Variants in GRIK2 observed in about 807,000 individuals in gnomAD.
GRIK2 encodes the protein glutamate ionotropic receptor kainate type subunit 2, also known as glutamate receptor ionotropic, kainate 2.
A neutral mutation model predicts 100.3 loss-of-function variants in GRIK2; 32 were observed. The observed-to-expected ratio is 0.32, with a 90% CI of 0.24 to 0.43. The LOEUF (loss-of-function observed/expected upper bound fraction) is 0.43, where lower values mean the gene tolerates loss of function less well. Ranked by LOEUF, GRIK2 falls within the 20% of genes least tolerant of loss-of-function variation. The pLI, the probability that GRIK2 is intolerant of heterozygous loss-of-function variation, is 1.00. For synonymous variants in GRIK2, 417 were observed against 389.4 expected (o/e 1.07, Z -0.83); for missense variants, 843 against 1,114.9 (o/e 0.76, Z 3.47).
chr6:101,978,402 A>G (rs1793526345), intron 14 of GRIK2, among the ~76,000 whole-genome samples: 1 of 152,052 alleles, frequency 6.6e-6, no homozygotes, highest in African/African-American at 2.4e-5. Context: ...GACTAAATAT[A>G]GTAATATAAT....
In GRIK2 at chr6:101,694,011, C is replaced by G. The variant is rs1235636033; in HGVS notation, c.951+7658C>G. Among the ~76,000 whole-genome samples, 4 of 152,016 alleles carry G rather than the reference C, an allele frequency of 2.6e-5. No homozygotes were observed. In the East Asian group the frequency reaches 7.7e-4, roughly 29 times the overall value. On this transcript the variant is annotated intron_variant, in intron 7 of 16. Coordinates refer to ENST00000369134, the MANE Select transcript of GRIK2 (RefSeq NM_021956.5). The stretch of plus-strand genomic sequence containing the variant: ...GGAAGGAGGGCCCCTCAAGGACAGT[C>G]AATGTCAAGGACACCCAGAAGAGGT...
intron 7 of GRIK2, among the ~76,000 whole-genome samples, chr6:101,765,426 A>G (rs1040847678): frequency 6.6e-6 from 1 of 152,118 alleles, no homozygotes. Flanking sequence ...AAATGACATT[A>G]TGTATATGTT....
At chr6:101,514,654 A>G (rs1774492160) in intron 2 of GRIK2, among the ~76,000 whole-genome samples, 1 of 152,100 alleles carries the variant, frequency 6.6e-6, no homozygotes, top group African/African-American at 2.4e-5. Context: ...CAATTCTACC[A>G]TTTATGAAAG....
At chr6:102,021,104 A>C (rs982841214) in intron 14 of GRIK2, among the ~76,000 whole-genome samples, 2 of 151,846 alleles carry the variant, frequency 1.3e-5, no homozygotes, top group African/African-American at 4.8e-5. Context: ...GCTTTTTATG[A>C]AAAATTTCAC....
chr6:101,738,411 T>G (rs1290734045), intron 7 of GRIK2, among the ~76,000 whole-genome samples: 2 of 152,196 alleles, frequency 1.3e-5, no homozygotes, highest in African/African-American at 2.4e-5. Context: ...TAGTTGATAT[T>G]ACAATGTCAA....
chr6:101,558,669 C>CTT (rs371713680), intron 2 of GRIK2, among the ~76,000 whole-genome samples: 2,940 of 143,338 alleles, frequency 0.021, 73 homozygotes, highest in African/African-American at 0.046. Flanking sequence ...CCCTTTGCTT[C>CTT]TTTTTTTTTT....
At chr6:101,603,019 A>G (rs1305547884) in intron 2 of GRIK2, among the ~76,000 whole-genome samples, 3 of 151,666 alleles carry the variant, frequency 2.0e-5, no homozygotes, top group Non-Finnish European at 4.4e-5. Flanking sequence ...TGTTGACTAC[A>G]TTCGATTGTT....
At chr6:101,866,018 C>T (rs890606941) in intron 11 of GRIK2, among the ~76,000 whole-genome samples, 2 of 151,368 alleles carry the variant, frequency 1.3e-5, no homozygotes, top group Non-Finnish European at 2.9e-5. Context: ...TTGGCAAAAA[C>T]AACTAAAATC....
intron 10 of GRIK2, among the ~76,000 whole-genome samples, chr6:101,829,263 C>A (rs1165895388): frequency 1.3e-5 from 2 of 151,472 alleles, no homozygotes; most frequent in Non-Finnish European, 3.0e-5. Flanking sequence ...TAAGAACTGT[C>A]AATGCTAAAC....
chr6:101,472,491 CAT>C (rs1771998723), intron 2 of GRIK2, among the ~76,000 whole-genome samples: 1 of 151,796 alleles, frequency 6.6e-6, no homozygotes, highest in African/African-American at 2.4e-5. Context: ...ATATTCAAAA[CAT>C]ATTTACAGAA....
intron 2 of GRIK2, among the ~76,000 whole-genome samples, chr6:101,476,813 A>G (rs1772258039): frequency 6.6e-6 from 1 of 152,156 alleles, no homozygotes; most frequent in Non-Finnish European, 1.5e-5. Flanking sequence ...TGTTCAACCA[A>G]GTGATGTCAA....
At chr6:101,523,720 C>CTTT (rs1163558120) in intron 2 of GRIK2, among the ~76,000 whole-genome samples, 1 of 121,542 alleles carries the variant, frequency 8.2e-6, no homozygotes, top group East Asian at 2.4e-4. Flanking sequence ...ACTCCTAAGT[C>CTTT]TTTTTTTTTT....
intron 14 of GRIK2, among the ~76,000 whole-genome samples, chr6:101,934,452 G>C (rs991362801): frequency 2.0e-5 from 3 of 151,890 alleles, no homozygotes; most frequent in African/African-American, 7.2e-5. Flanking sequence ...GATTGTATAT[G>C]ATAGTATATG....
chr6:101,911,094 A>G lies in GRIK2; in HGVS notation c.1749-13507A>G, dbSNP rs563529703. On this transcript the variant is annotated intron_variant, in intron 12 of 16. Transcript: ENST00000369134. ...GGCTGTTTTGTCTTCTGTTGGGGAT[A>G]CAGTAAACAAGGGAGAAATGAGCTG... 2.6e-5 allele frequency among the ~76,000 whole-genome samples: 4 copies of G among 151,592 alleles called. No individual in the cohort carries two copies. The East Asian group carries it at 7.8e-4, about 29-fold the overall frequency.
chr6:101,796,777 C>G (rs964099948), intron 7 of GRIK2, among the ~76,000 whole-genome samples: 5 of 152,118 alleles, frequency 3.3e-5, no homozygotes, highest in South Asian at 2.1e-4. Context: ...AACTTCAGGG[C>G]TCAAGTGATC....
chr6:101,451,075 C>A (rs553871719), intron 2 of GRIK2, among the ~76,000 whole-genome samples: 1 of 151,826 alleles, frequency 6.6e-6, no homozygotes, highest in Non-Finnish European at 1.5e-5. Flanking sequence ...GATCCCTTTA[C>A]TTAACAGTCT....
chr6:101,643,390 T>C (rs1781372871), intron 4 of GRIK2, among the ~76,000 whole-genome samples: 1 of 151,664 alleles, frequency 6.6e-6, no homozygotes, highest in African/African-American at 2.4e-5. Context: ...GAATTAATTT[T>C]TTTTCTATCT....
chr6:101,644,202 G>A (rs1781414507), intron 4 of GRIK2, among the ~76,000 whole-genome samples: 1 of 151,838 alleles, frequency 6.6e-6, no homozygotes, highest in Admixed American at 6.6e-5. Context: ...CTAAAAGAGA[G>A]TTATATAAAA....
At chr6:101,819,913 T>G (rs1004791847) in intron 10 of GRIK2, among the ~76,000 whole-genome samples, 1 of 152,150 alleles carries the variant, frequency 6.6e-6, no homozygotes, top group South Asian at 2.1e-4. Context: ...ACTTCTTTGT[T>G]ATACAGATTG....
Sources: allele counts gnomAD v4.1 joint callset (sites outside exome capture counted in the v4.1 genomes callset), GRCh38; gene constraint gnomAD v4.1.1; transcripts MANE v1.5; gene names NCBI Gene and HGNC (gene_info 2026-07-23, HGNC 2026-07-21).